Variants in PDE3B observed in about 807,000 individuals in gnomAD.
PDE3B encodes the protein phosphodiesterase 3B.
Under a neutral mutation model 116.8 loss-of-function variants are expected in PDE3B, and 66 were observed. That is an observed-to-expected ratio of 0.56 (90% CI 0.46 to 0.69). The LOEUF (loss-of-function observed/expected upper bound fraction) is 0.69. PDE3B is among the 30% of genes least tolerant of loss of function. The pLI, the probability that PDE3B is intolerant of heterozygous loss-of-function variation, is 0.00. For missense variants in PDE3B, 1,384 were observed against 1,368.1 expected, an observed-to-expected ratio of 1.01 and a Z score of -0.18; for synonymous variants, 595 against 533.6, an observed-to-expected ratio of 1.12 and a Z score of -1.59.
At chr11:14,851,182 G>T (rs1847742644) in intron 12 of PDE3B, among the ~76,000 whole-genome samples, 1 of 151,872 alleles carries the variant, frequency 6.6e-6, no homozygotes, top group Admixed American at 6.6e-5. Context: ...ATTTTTGTGT[G>T]GTAGCTGGGT....
downstream of PDE3B, among the ~76,000 whole-genome samples, chr11:14,872,351 C>T (rs1848152547): frequency 6.6e-6 from 1 of 152,130 alleles, no homozygotes; most frequent in South Asian, 2.1e-4. Flanking sequence ...CTTTTAAACT[C>T]AGAACTGAAG....
chr11:14,818,211 T>G lies in PDE3B; in HGVS notation c.1551T>G (p.Asn517Lys). Residue 517 changes from asparagine (N) to lysine (K), a missense_variant, in exon 6 of 16, where the codon AAT (asparagine) becomes AAG (lysine). Coordinates refer to ENST00000282096, the MANE Select transcript of PDE3B (RefSeq NM_000922.4). Reference sequence around the variant, plus strand: ...TTTTGTCCAGTCTGAGTCCTGTGAATTCTTCCAACCATGGACCAGTGTCTA... The same window carrying G: ...TTTTGTCCAGTCTGAGTCCTGTGAAGTCTTCCAACCATGGACCAGTGTCTA... ...AGVLSSLSPV[N>K]SSNHGPVSTG... 6.2e-7 allele frequency: 1 copy of G among 1,613,352 alleles called. No homozygotes were observed. Among genetic ancestry groups the G allele is most frequent in the Non-Finnish European group, 8.5e-7 (1 of 1,179,392 alleles).
chr11:14,760,576 A>C (rs919095187), intron 1 of PDE3B, among the ~76,000 whole-genome samples: 1 of 152,290 alleles, frequency 6.6e-6, no homozygotes, highest in Admixed American at 6.5e-5. Flanking sequence ...AAAGACTAGG[A>C]TAGTTTAAAA....
the PDE3B span, chr11:14,880,647 T>G: frequency 6.3e-7 from 1 of 1,598,208 alleles, no homozygotes; most frequent in Non-Finnish European, 8.5e-7. Context: ...CATTGAAAAA[T>G]TTGGTTTCTT....
chr11:14,817,213 C>T (rs1034595514), intron 5 of PDE3B, among the ~76,000 whole-genome samples: 8 of 151,680 alleles, frequency 5.3e-5, no homozygotes, highest in Non-Finnish European at 1.0e-4. Flanking sequence ...CATATGTCCT[C>T]ACTCATAGGT....
chr11:14,704,414 T>A (rs1270711653), intron 1 of PDE3B, among the ~76,000 whole-genome samples: 1 of 151,810 alleles, frequency 6.6e-6, no homozygotes, highest in Non-Finnish European at 1.5e-5. Context: ...TGTCTTTTTC[T>A]TTTTGTTTTG....
intron 14 of PDE3B, among the ~76,000 whole-genome samples, chr11:14,863,991 A>T (rs1352665904): frequency 6.6e-6 from 1 of 152,232 alleles, no homozygotes; most frequent in Non-Finnish European, 1.5e-5. Flanking sequence ...AAATGCCCCA[A>T]TTAAAAGGCA....
chr11:14,796,618 A>G (rs573248231), intron 4 of PDE3B, among the ~76,000 whole-genome samples: 1 of 152,366 alleles, frequency 6.6e-6, no homozygotes, highest in South Asian at 2.1e-4. Context: ...TGTAAGGACC[A>G]GTGATAATGA....
chr11:14,811,182 A>G (rs1480679941), intron 5 of PDE3B, among the ~76,000 whole-genome samples: 1 of 151,696 alleles, frequency 6.6e-6, no homozygotes, highest in East Asian at 1.9e-4. Flanking sequence ...ATTAGATCCC[A>G]TTTGTCAATT....
chr11:14,658,560 T>C (rs1457720392), intron 1 of PDE3B, among the ~76,000 whole-genome samples: 3 of 152,190 alleles, frequency 2.0e-5, no homozygotes, highest in Non-Finnish European at 4.4e-5. Context: ...TTTTGCCATG[T>C]TGGCCAGGCT....
chr11:14,753,103 C>T (rs970733691), intron 1 of PDE3B, among the ~76,000 whole-genome samples: 16 of 152,014 alleles, frequency 1.1e-4, no homozygotes, highest in African/African-American at 3.9e-4. Context: ...CCCTATTCAC[C>T]ATCCATTGGA....
intron 1 of PDE3B, among the ~76,000 whole-genome samples, chr11:14,734,283 G>T (rs1856538982): frequency 6.6e-6 from 1 of 152,110 alleles, no homozygotes; most frequent in African/African-American, 2.4e-5. Context: ...GTGTTTCCCA[G>T]GCTGGTCTGG....
At chr11:14,686,086 A>G (rs1228359288) in intron 1 of PDE3B, among the ~76,000 whole-genome samples, 1 of 152,202 alleles carries the variant, frequency 6.6e-6, no homozygotes, top group Admixed American at 6.5e-5. Flanking sequence ...GGTAAAAGAA[A>G]TTCTTCACCT....
At chr11:14,820,898 A>G (rs1281849461) in intron 7 of PDE3B, among the ~76,000 whole-genome samples, 2 of 152,220 alleles carry the variant, frequency 1.3e-5, no homozygotes, top group Non-Finnish European at 2.9e-5. Context: ...AGTCTGTAGT[A>G]TCCAATTATA....
At chr11:14,880,536 G>C in the PDE3B span, 2 of 1,613,446 alleles carry the variant, frequency 1.2e-6, no homozygotes, top group Non-Finnish European at 1.7e-6. Flanking sequence ...CTTCATAAGT[G>C]AATCGTTCTC....
chr11:14,665,105 G>C (rs1252460607), intron 1 of PDE3B, among the ~76,000 whole-genome samples: 1 of 152,170 alleles, frequency 6.6e-6, no homozygotes, highest in Admixed American at 6.5e-5. Context: ...ATGCAAGGCT[G>C]GTTCAATATC....
At chr11:14,850,632 A>G (rs997717854) in intron 12 of PDE3B, among the ~76,000 whole-genome samples, 1 of 152,138 alleles carries the variant, frequency 6.6e-6, no homozygotes, top group Non-Finnish European at 1.5e-5. Flanking sequence ...CAGAGCTAAA[A>G]TCTCTTACTT....
At chr11:14,675,560 A>C (rs529525872) in intron 1 of PDE3B, among the ~76,000 whole-genome samples, 1 of 152,148 alleles carries the variant, frequency 6.6e-6, no homozygotes, top group South Asian at 2.1e-4. Flanking sequence ...ACTGATTTCT[A>C]TTGCCATGTA....
chr11:14,744,555 A>C (rs1172364112), intron 1 of PDE3B, among the ~76,000 whole-genome samples: 1 of 152,128 alleles, frequency 6.6e-6, no homozygotes, highest in Non-Finnish European at 1.5e-5. Flanking sequence ...TGCCATTGTA[A>C]ATTCTGTTGT....
Sources: gnomAD v4.1 joint callset for allele counts (sites outside exome capture counted in the v4.1 genomes callset) on GRCh38, gnomAD v4.1.1 for gene constraint, MANE v1.5 for transcripts, NCBI Gene and HGNC (gene_info 2026-07-23, HGNC 2026-07-21) for gene names.